APOBEC1: variants seen among roughly 807,000 people sequenced by gnomAD.
The protein encoded by APOBEC1 is C->U-editing enzyme APOBEC-1.
A neutral mutation model predicts 26.3 loss-of-function variants in APOBEC1; 22 were observed. The ratio of observed to expected loss-of-function variants is 0.84; its 90% CI spans 0.60 to 1.19. The LOEUF (loss-of-function observed/expected upper bound fraction) is 1.19, where lower values mean the gene tolerates loss of function less well. APOBEC1 is among the 50% of genes most tolerant of loss of function. APOBEC1 has a pLI of 0.00. For missense variants in APOBEC1, 253 were observed against 289.0 expected, an observed-to-expected ratio of 0.88 and a Z score of 0.90; for synonymous variants, 77 against 95.3, an observed-to-expected ratio of 0.81 and a Z score of 1.12.
intron 1 of APOBEC1, among the ~76,000 whole-genome samples, chr12:7,663,081 T>C (rs1207889907): frequency 6.6e-6 from 1 of 152,036 alleles, no homozygotes; most frequent in African/African-American, 2.4e-5. Context: ...TAAGGGTGAT[T>C]TGGGGAGATG....
chr12:7,658,354 G>A (rs762063095), intron 1 of APOBEC1, among the ~76,000 whole-genome samples: 4 of 152,284 alleles, frequency 2.6e-5, no homozygotes, highest in South Asian at 2.1e-4. Context: ...GTGAGCCACC[G>A]TGCCCGGCCA....
At chr12:7,650,486 A>T (rs911430705) in intron 4 of APOBEC1, among the ~76,000 whole-genome samples, 1 of 152,236 alleles carries the variant, frequency 6.6e-6, no homozygotes, top group Non-Finnish European at 1.5e-5. Context: ...GGGACCACCC[A>T]TATCTTAGAT....
At chr12:7,659,249 G>C (rs1279459371) in intron 1 of APOBEC1, among the ~76,000 whole-genome samples, 2 of 114,802 alleles carry the variant, frequency 1.7e-5, no homozygotes, top group African/African-American at 6.9e-5. Context: ...AGCCGAGATC[G>C]CGCCATTGCA....
chr12:7,662,290 A>G (rs1054557492), intron 1 of APOBEC1, among the ~76,000 whole-genome samples: 2 of 152,054 alleles, frequency 1.3e-5, no homozygotes, highest in African/African-American at 4.8e-5. Flanking sequence ...TTAAAAATTT[A>G]AAAAAAGACG....
At chr12:7,657,902 A>T (rs1863738281) in intron 1 of APOBEC1, among the ~76,000 whole-genome samples, 1 of 152,158 alleles carries the variant, frequency 6.6e-6, no homozygotes, top group African/African-American at 2.4e-5. Context: ...AATTAAACTA[A>T]AATTATAAAT....
chr12:7,651,043 C>T lies in APOBEC1; in HGVS notation c.541G>A (p.Glu181Lys). The change falls in exon 4 of 5, where the codon GAG becomes AAG. Residue 181 changes from glutamate to lysine, a missense_variant. Transcript: ENST00000229304. The stretch of plus-strand genomic sequence containing the variant: ...CTTACTAGAATTATGCAGTGCAGCT[C>T]CAGTGCGTACAACATCATCCACAGA... Reference protein sequence around the residue: ...PPLWMMLYALELHCIILSLPP... With the variant: ...PPLWMMLYALKLHCIILSLPP... The T allele has an allele frequency of 6.2e-7, 1 of 1,613,180 alleles. No individual in the cohort carries two copies. The highest frequency in any genetic ancestry group is 8.5e-7 in the Non-Finnish European group (1 of 1,179,134).
chr12:7,653,747 T>C (rs749733334), intron 2 of APOBEC1, among the ~76,000 whole-genome samples: 8 of 152,304 alleles, frequency 5.3e-5, no homozygotes, highest in African/African-American at 1.9e-4. Context: ...GCCAACAAGA[T>C]TGTATTGTCA....
chr12:7,658,368 T>C (rs1032410773), intron 1 of APOBEC1, among the ~76,000 whole-genome samples: 2 of 152,078 alleles, frequency 1.3e-5, no homozygotes, highest in African/African-American at 4.8e-5. Context: ...CCGGCCAAAA[T>C]TGGGTTTTTA....
intron 4 of APOBEC1, among the ~76,000 whole-genome samples, chr12:7,650,416 G>A (rs1293998348): frequency 6.6e-6 from 1 of 152,098 alleles, no homozygotes; most frequent in Non-Finnish European, 1.5e-5. Flanking sequence ...GCGAGACCCT[G>A]TGGCTTAAAA....
upstream of APOBEC1, among the ~76,000 whole-genome samples, chr12:7,666,187 C>T (rs1487525357): frequency 6.6e-6 from 1 of 152,096 alleles, no homozygotes; most frequent in Non-Finnish European, 1.5e-5. Flanking sequence ...CTTTCTCTTT[C>T]TTTAAATAAA....
At chr12:7,666,941 CGCTCTTG>C (rs1863900999), upstream of APOBEC1, among the ~76,000 whole-genome samples, 1 of 147,596 alleles carries the variant, frequency 6.8e-6, no homozygotes, top group African/African-American at 2.5e-5. Context: ...GACAGAGTTT[CGCTCTTG>C]TCACCCAGGC....
At chr12:7,660,375 G>GGAAGGAAAGAGAAAGAAA (rs61183510) in intron 1 of APOBEC1, among the ~76,000 whole-genome samples, 1 of 23,950 alleles carries the variant, frequency 4.2e-5, no homozygotes, top group African/African-American at 1.3e-4. Context: ...AAGGAAGGAA[G>GGAAGGAAAGAGAAAGAAA]GAAAGAAAGA....
At chr12:7,650,648 G>T (rs993796517) in intron 4 of APOBEC1, among the ~76,000 whole-genome samples, 1 of 152,176 alleles carries the variant, frequency 6.6e-6, no homozygotes. Flanking sequence ...TGGCCAGGCT[G>T]GTCTCAGACT....
chr12:7,669,780 T>C (rs1427503062), upstream of APOBEC1, among the ~76,000 whole-genome samples: 1 of 152,094 alleles, frequency 6.6e-6, no homozygotes, highest in Non-Finnish European at 1.5e-5. Context: ...AGAGCCCCAA[T>C]TGTTATACAA....
intron 3 of APOBEC1, among the ~76,000 whole-genome samples, chr12:7,652,064 C>T (rs759822111): frequency 5.9e-5 from 9 of 152,242 alleles, no homozygotes; most frequent in African/African-American, 1.4e-4. Flanking sequence ...TCTCATGATC[C>T]GCCCACCTCG....
At chr12:7,660,400 G>GAAAGAAAGAAAGAAAGAAAGAAAGAAA (rs1565442481) in intron 1 of APOBEC1, among the ~76,000 whole-genome samples, 9 of 101,730 alleles carry the variant, frequency 8.8e-5, no homozygotes, top group African/African-American at 1.4e-4. Context: ...AAGAAAGAAA[G>GAAAGAAAGAAAGAAAGAAAGAAAGAAA]AAAGAAAGAA....
upstream of APOBEC1, among the ~76,000 whole-genome samples, chr12:7,667,910 T>TAAAAA (rs766377169): frequency 1.5e-5 from 1 of 65,838 alleles, no homozygotes; most frequent in Admixed American, 1.6e-4. Context: ...AGACTACGTC[T>TAAAAA]AAAAAAAAAA....
intron 1 of APOBEC1, 58 bp downstream of exon 1, chr12:7,665,799 A>ACACACG: frequency 7.3e-7 from 1 of 1,361,936 alleles, no homozygotes; most frequent in Admixed American, 1.7e-5. Flanking sequence ...ACACACACAC[A>ACACACG]CACACACCAT....
At chr12:7,663,569 A>G (rs1863849617) in intron 1 of APOBEC1, among the ~76,000 whole-genome samples, 1 of 152,152 alleles carries the variant, frequency 6.6e-6, no homozygotes, top group South Asian at 2.1e-4. Context: ...AGCCTTACAT[A>G]AACAGAGGCC....
Sources: allele counts gnomAD v4.1 joint callset (sites outside exome capture counted in the v4.1 genomes callset), GRCh38; gene constraint gnomAD v4.1.1; transcripts MANE v1.5; gene names NCBI Gene and HGNC (gene_info 2026-07-23, HGNC 2026-07-21).